Variants in RBPJ observed in about 807,000 individuals in gnomAD.
RBPJ encodes the protein recombination signal binding protein for immunoglobulin kappa J region.
In RBPJ, 9 loss-of-function variants were observed where a neutral mutation model predicts 67.8. The ratio of observed to expected loss-of-function variants is 0.13; its 90% CI spans 0.08 to 0.23. RBPJ has a LOEUF of 0.23. RBPJ is among the 10% of genes least tolerant of loss of function. RBPJ has a pLI of 1.00. For missense variants in RBPJ, 305 were observed against 595.6 expected, an observed-to-expected ratio of 0.51 and a Z score of 5.08; for synonymous variants, 198 against 203.3, an observed-to-expected ratio of 0.97 and a Z score of 0.22.
intron 1 of RBPJ, among the ~76,000 whole-genome samples, chr4:26,200,013 G>A (rs1054644633): frequency 3.3e-5 from 5 of 152,116 alleles, no homozygotes; most frequent in Admixed American, 2.0e-4. Flanking sequence ...TGCCATCTTC[G>A]CTCCAGCAAC....
intron 1 of RBPJ, among the ~76,000 whole-genome samples, chr4:26,302,219 G>A (rs1722100133): frequency 6.6e-6 from 1 of 152,206 alleles, no homozygotes; most frequent in Non-Finnish European, 1.5e-5. Context: ...CTGTCAAGGA[G>A]TTACCTCAAT....
At chr4:26,122,884 T>G in the RBPJ span, among the ~76,000 whole-genome samples, 12 of 152,156 alleles carry the variant, frequency 7.9e-5, no homozygotes, top group Non-Finnish European at 1.3e-4. Flanking sequence ...AATAAAACTT[T>G]ATTTACAAAA....
upstream of RBPJ, among the ~76,000 whole-genome samples, chr4:26,318,996 C>CAAAAAAAAAA (rs201084739): frequency 1.2e-5 from 1 of 83,866 alleles, no homozygotes; most frequent in Non-Finnish European, 2.7e-5. Flanking sequence ...GACTCCGTCT[C>CAAAAAAAAAA]AAAAAAAAAA....
chr4:26,255,682 G>A (rs1720313915), intron 1 of RBPJ, among the ~76,000 whole-genome samples: 1 of 151,320 alleles, frequency 6.6e-6, no homozygotes, highest in African/African-American at 2.4e-5. Context: ...GGTGCCTGTA[G>A]TCCCAGCTAC....
At chr4:26,362,806 A>G (rs1728216896) in intron 1 of RBPJ, among the ~76,000 whole-genome samples, 1 of 152,180 alleles carries the variant, frequency 6.6e-6, no homozygotes, top group Non-Finnish European at 1.5e-5. Flanking sequence ...TTGTTACAAA[A>G]ACCCATGGAT....
chr4:26,370,125 G>A (rs1729014337), intron 1 of RBPJ, among the ~76,000 whole-genome samples: 1 of 152,150 alleles, frequency 6.6e-6, no homozygotes, highest in South Asian at 2.1e-4. Context: ...GTAGTTTTCA[G>A]AATAAAGGCC....
chr4:26,165,756 T>C (rs1280083033), intron 1 of RBPJ, among the ~76,000 whole-genome samples: 1 of 151,978 alleles, frequency 6.6e-6, no homozygotes, highest in East Asian at 1.9e-4. Flanking sequence ...AGGGTACATG[T>C]GCACAATGTG....
intron 4 of RBPJ, 108 bp from the exon 5 acceptor site, chr4:26,420,443 C>T: frequency 3.0e-5 from 19 of 630,730 alleles, no homozygotes; most frequent in South Asian, 1.5e-4. Flanking sequence ...ATCAGCTATC[C>T]CTTGGAATTG....
At chr4:26,160,602 G>C (rs1716056753), upstream of RBPJ, among the ~76,000 whole-genome samples, 1 of 152,214 alleles carries the variant, frequency 6.6e-6, no homozygotes, top group Non-Finnish European at 1.5e-5. Flanking sequence ...TCTTGTACAT[G>C]TCCACGGCGT....
intron 1 of RBPJ, among the ~76,000 whole-genome samples, chr4:26,259,304 A>G (rs1720451588): frequency 6.6e-6 from 1 of 152,202 alleles, no homozygotes; most frequent in Admixed American, 6.5e-5. Context: ...AGCTTTGGCT[A>G]ACTTTCTCAA....
At chr4:26,261,700 T>C (rs1179265502) in intron 1 of RBPJ, among the ~76,000 whole-genome samples, 2 of 152,242 alleles carry the variant, frequency 1.3e-5, no homozygotes, top group African/African-American at 4.8e-5. Context: ...ATCTGCCTTC[T>C]GCTTTATTCT....
the RBPJ span, among the ~76,000 whole-genome samples, chr4:26,148,343 G>C: frequency 6.6e-6 from 1 of 152,224 alleles, no homozygotes; most frequent in Non-Finnish European, 1.5e-5. Flanking sequence ...TATGAGTCTG[G>C]TGTGTTTCGG....
chr4:26,224,002 G>A (rs901982825), intron 1 of RBPJ, among the ~76,000 whole-genome samples: 6 of 152,188 alleles, frequency 3.9e-5, no homozygotes, highest in Non-Finnish European at 8.8e-5. Flanking sequence ...GTTGTTGTGA[G>A]AACACAAGAT....
intron 1 of RBPJ, among the ~76,000 whole-genome samples, chr4:26,183,792 T>C (rs191185259): frequency 2.0e-5 from 3 of 152,128 alleles, no homozygotes; most frequent in Admixed American, 1.3e-4. Context: ...AGCAGATCAC[T>C]TGAAGGTCAG....
At chr4:26,346,551 G>A (rs759587069) in intron 1 of RBPJ, among the ~76,000 whole-genome samples, 1 of 152,166 alleles carries the variant, frequency 6.6e-6, no homozygotes, top group Non-Finnish European at 1.5e-5. Context: ...TCTGTAGCTC[G>A]ATTTTACAGT....
upstream of RBPJ, among the ~76,000 whole-genome samples, chr4:26,162,344 T>C (rs1486711564): frequency 6.6e-6 from 1 of 152,212 alleles, no homozygotes; most frequent in African/African-American, 2.4e-5. Context: ...CAGGACAAAC[T>C]GTTCACTCTA....
the RBPJ span, among the ~76,000 whole-genome samples, chr4:26,114,713 G>A: frequency 6.6e-6 from 1 of 151,936 alleles, no homozygotes; most frequent in Non-Finnish European, 1.5e-5. Context: ...TTATATGTGT[G>A]TATGTACTTA....
At chr4:26,249,202 TTAAG>T (rs1007390880) in intron 1 of RBPJ, among the ~76,000 whole-genome samples, 6 of 152,328 alleles carry the variant, frequency 3.9e-5, no homozygotes, top group African/African-American at 1.4e-4. Context: ...AAGAAGTCTC[TTAAG>T]TAAGCATTTT....
intron 1 of RBPJ, among the ~76,000 whole-genome samples, chr4:26,250,388 G>A (rs1720071411): frequency 7.3e-6 from 1 of 136,940 alleles, no homozygotes; most frequent in Admixed American, 8.2e-5. Flanking sequence ...CTGTAGTACA[G>A]TAGCGTGGTC....
Sources: allele counts gnomAD v4.1 joint callset (sites outside exome capture counted in the v4.1 genomes callset), GRCh38; gene constraint gnomAD v4.1.1; transcripts MANE v1.5; gene names NCBI Gene and HGNC (gene_info 2026-07-23, HGNC 2026-07-21).